Variants in GRIK4 observed in about 807,000 individuals in gnomAD.
GRIK4 encodes the protein glutamate receptor ionotropic, kainate 4.
Under a neutral mutation model 104.9 loss-of-function variants are expected in GRIK4, and 40 were observed. The observed-to-expected ratio is 0.38, with a 90% CI of 0.30 to 0.50. GRIK4 has a LOEUF of 0.50. GRIK4 is among the 20% of genes least tolerant of loss of function. The pLI, the probability that GRIK4 is intolerant of heterozygous loss-of-function variation, is 0.93. For missense variants in GRIK4, 1,047 were observed against 1,308.1 expected (o/e 0.80, Z 3.08); for synonymous variants, 485 against 524.9 (o/e 0.92, Z 1.04).
chr11:120,587,700 C>T (rs1395612799), intron 1 of GRIK4, among the ~76,000 whole-genome samples: 1 of 152,172 alleles, frequency 6.6e-6, no homozygotes, highest in Non-Finnish European at 1.5e-5. Context: ...CAAGGCCAGC[C>T]TCGCCATGGC....
intron 3 of GRIK4, among the ~76,000 whole-genome samples, chr11:120,747,078 C>T (rs375420945): frequency 6.6e-6 from 1 of 152,168 alleles, no homozygotes; most frequent in Non-Finnish European, 1.5e-5. Flanking sequence ...GGTATGGCAT[C>T]CCTGAAATAA....
intron 1 of GRIK4, among the ~76,000 whole-genome samples, chr11:120,577,490 C>T (rs1948500628): frequency 6.6e-6 from 1 of 152,088 alleles, no homozygotes; most frequent in East Asian, 1.9e-4. Context: ...TTTTTCTCCA[C>T]TAGCCTCTTA....
intron 1 of GRIK4, among the ~76,000 whole-genome samples, chr11:120,605,214 G>A (rs1044396706): frequency 2.0e-5 from 3 of 152,212 alleles, no homozygotes; most frequent in Non-Finnish European, 2.9e-5. Context: ...AAAGATGAAC[G>A]TGTTACTTGT....
chr11:120,897,594 T>A (rs1325485278), intron 11 of GRIK4, among the ~76,000 whole-genome samples: 1 of 4,334 alleles, frequency 2.3e-4, no homozygotes, highest in Non-Finnish European at 7.2e-4. Context: ...AGAACAAGAC[T>A]CCTTCTCAAA....
intron 3 of GRIK4, among the ~76,000 whole-genome samples, chr11:120,682,105 A>G (rs1950201617): frequency 6.6e-6 from 1 of 152,224 alleles, no homozygotes; most frequent in African/African-American, 2.4e-5. Context: ...GGAAAGAAGA[A>G]AAACCGAGCT....
chr11:120,832,118 G>A (rs531849340), intron 7 of GRIK4, 88 bp downstream of exon 7: 13 of 860,124 alleles, frequency 1.5e-5, no homozygotes, highest in African/African-American at 5.1e-5. Flanking sequence ...TGAGGCTGAC[G>A]GAGCCCCGGG....
At chr11:120,595,907 C>T (rs551309577) in intron 1 of GRIK4, among the ~76,000 whole-genome samples, 109 of 152,336 alleles carry the variant, frequency 7.2e-4, no homozygotes, top group African/African-American at 2.5e-3. Context: ...AGTGCAGTGG[C>T]GTGATCTCAG....
At chr11:120,943,905 A>G (rs2134657035) in intron 14 of GRIK4, among the ~76,000 whole-genome samples, 1 of 152,380 alleles carries the variant, frequency 6.6e-6, no homozygotes, top group East Asian at 1.9e-4. Context: ...GTGACTTTCC[A>G]GCGATCCAAG....
rs772416052 is a variant in GRIK4, at chr11:120,798,532, G to A, written c.83-4161G>A. 1.6e-4 allele frequency among the ~76,000 whole-genome samples: 24 copies of A among 151,984 alleles called. No individual in the cohort carries two copies. The East Asian group carries it at 2.9e-3, about 19-fold the overall frequency. ...CACTCTGTCGACCAGGCTGGAATGC[G>A]GTGGCATGATCCTGTTGGCTCACTG... On this transcript the variant is annotated intron_variant, in intron 3 of 20. Coordinates refer to ENST00000527524, the MANE Select transcript of GRIK4 (RefSeq NM_014619.5).
At chr11:120,554,312 A>G (rs1591690622) in intron 1 of GRIK4, among the ~76,000 whole-genome samples, 2 of 152,192 alleles carry the variant, frequency 1.3e-5, no homozygotes. Flanking sequence ...GCAATTAACT[A>G]TCTTTAGCTG....
intron 19 of GRIK4, among the ~76,000 whole-genome samples, chr11:120,972,210 T>C (rs1283540342): frequency 6.6e-6 from 1 of 152,176 alleles, no homozygotes; most frequent in Non-Finnish European, 1.5e-5. Flanking sequence ...AACAGTGCCC[T>C]GGACTGGGTT....
At chr11:120,583,351 T>G (rs1417244417) in intron 1 of GRIK4, among the ~76,000 whole-genome samples, 1 of 152,256 alleles carries the variant, frequency 6.6e-6, no homozygotes, top group African/African-American at 2.4e-5. Context: ...CTCTTTAGTT[T>G]AAGTAGTTTC....
chr11:120,794,827 C>T (rs547300477), intron 3 of GRIK4, among the ~76,000 whole-genome samples: 8 of 152,266 alleles, frequency 5.3e-5, no homozygotes, highest in Admixed American at 1.3e-4. Flanking sequence ...AGGCTGGTAG[C>T]GGCCCAGCCT....
chr11:120,886,067 A>T (rs1450565044), intron 11 of GRIK4, among the ~76,000 whole-genome samples: 2 of 152,236 alleles, frequency 1.3e-5, no homozygotes, highest in African/African-American at 4.8e-5. Context: ...AGTACGGTTG[A>T]TCCTCATTAT....
intron 3 of GRIK4, among the ~76,000 whole-genome samples, chr11:120,684,168 A>C (rs1272941350): frequency 7.2e-5 from 11 of 152,088 alleles, no homozygotes; most frequent in Non-Finnish European, 2.9e-5. Context: ...CTACAAAAAA[A>C]TAAAATTAGT....
chr11:120,551,951 G>A (rs1312285019), intron 1 of GRIK4, among the ~76,000 whole-genome samples: 2 of 152,128 alleles, frequency 1.3e-5, no homozygotes, highest in Non-Finnish European at 2.9e-5. Context: ...TAAGCCCTGC[G>A]GCCCTTCCCC....
chr11:120,668,105 A>AGATAGATG (rs1055027709), intron 3 of GRIK4, among the ~76,000 whole-genome samples: 2 of 55,816 alleles, frequency 3.6e-5, no homozygotes, highest in Non-Finnish European at 9.0e-5. Flanking sequence ...ATAGATGGAT[A>AGATAGATG]GATAGATAGA....
At chr11:120,768,683 T>C (rs1951884137) in intron 3 of GRIK4, among the ~76,000 whole-genome samples, 1 of 152,252 alleles carries the variant, frequency 6.6e-6, no homozygotes, top group South Asian at 2.1e-4. Context: ...GGGTTTTTAA[T>C]ACATAGCCTT....
At position 120,775,859 on chromosome 11, in the gene GRIK4, G is replaced by A. The variant is rs910695278; in HGVS notation, c.83-26834G>A. On this transcript the variant is annotated intron_variant, in intron 3 of 20. Coordinates refer to ENST00000527524, the MANE Select transcript of GRIK4 (RefSeq NM_014619.5). ...CAAGCTCAGGGCTTCCTTACCACAC[G>A]GTGCTACCTCTTGGGGTATTTGTGA... Among the ~76,000 whole-genome samples, 5 of 152,226 alleles carry A rather than the reference G, an allele frequency of 3.3e-5. No homozygotes were observed. The South Asian group carries it at 6.2e-4, about 19-fold the overall frequency.
Sources: allele counts gnomAD v4.1 joint callset (sites outside exome capture counted in the v4.1 genomes callset), GRCh38; gene constraint gnomAD v4.1.1; transcripts MANE v1.5; gene names NCBI Gene and HGNC (gene_info 2026-07-23, HGNC 2026-07-21).